The following SOCS6 variants were observed in gnomAD, a reference collection of about 807,000 sequenced individuals.
The protein encoded by SOCS6 is STAT induced STAT inhibitor-4.
A neutral mutation model predicts 27.7 loss-of-function variants in SOCS6; 5 were observed. That is an observed-to-expected ratio of 0.18 (90% CI 0.09 to 0.38). The LOEUF (loss-of-function observed/expected upper bound fraction) is 0.38. Ranked by LOEUF, SOCS6 falls within the 10% of genes least tolerant of loss-of-function variation. The pLI, the probability that SOCS6 is intolerant of heterozygous loss-of-function variation, is 1.00. For missense variants in SOCS6, 595 were observed against 688.1 expected, an observed-to-expected ratio of 0.86 and a Z score of 1.51; for synonymous variants, 271 against 260.0, an observed-to-expected ratio of 1.04 and a Z score of -0.41.
At chr18:70,291,120 A>G (rs558965361) in intron 1 of SOCS6, among the ~76,000 whole-genome samples, 42 of 152,290 alleles carry the variant, frequency 2.8e-4, no homozygotes, top group African/African-American at 9.6e-4. Context: ...GAAAGCAAGT[A>G]TCTTCTTTTT....
At chr18:70,323,593 C>CT (rs1911067307) in intron 1 of SOCS6, among the ~76,000 whole-genome samples, 1 of 152,170 alleles carries the variant, frequency 6.6e-6, no homozygotes, top group Non-Finnish European at 1.5e-5. Context: ...AGAGATGAAG[C>CT]TTTTCAACCT....
chr18:70,312,102 C>A lies in SOCS6; in HGVS notation c.-126-12441C>A, dbSNP rs1016069581. 3.3e-5 allele frequency among the ~76,000 whole-genome samples: 5 copies of A among 152,152 alleles called. No individual in the cohort carries two copies. In the East Asian group the frequency reaches 9.6e-4, roughly 29 times the overall value. On this transcript the variant is annotated intron_variant, in intron 1 of 1. Coordinates refer to ENST00000397942, the MANE Select transcript of SOCS6 (RefSeq NM_004232.4). ...ATCACATATATTAATGCATTTAAAC[C>A]TCACAACTAGCCTGAGTGATGGGTG...
At chr18:70,296,374 C>T (rs1330928629) in intron 1 of SOCS6, among the ~76,000 whole-genome samples, 3 of 152,190 alleles carry the variant, frequency 2.0e-5, no homozygotes, top group Admixed American at 6.5e-5. Context: ...ACAAAGTCTG[C>T]TGTGGACGCC....
intron 1 of SOCS6, among the ~76,000 whole-genome samples, chr18:70,295,641 TCA>T (rs975726013): frequency 2.0e-4 from 30 of 152,338 alleles, no homozygotes; most frequent in Admixed American, 1.8e-3. Flanking sequence ...TTGCCAAATA[TCA>T]CAGACTGGCA....
At chr18:70,297,458 A>G (rs746607432) in intron 1 of SOCS6, among the ~76,000 whole-genome samples, 1 of 152,142 alleles carries the variant, frequency 6.6e-6, no homozygotes, top group Non-Finnish European at 1.5e-5. Context: ...AAATAAAAGT[A>G]GTGTTTTCAG....
In SOCS6 at chr18:70,326,529, A is replaced by G. The variant is rs892845246; in HGVS notation, c.*253A>G. The stretch of plus-strand genomic sequence containing the variant: ...TGTTTCATCAATGTGCAGAATAATC[A>G]CAATGTGAATTATCAAATTCTCCTC... On this transcript the variant is annotated 3_prime_UTR_variant, in exon 2 of 2. Coordinates refer to ENST00000397942, the MANE Select transcript of SOCS6 (RefSeq NM_004232.4). 2.2e-6 allele frequency: 1 copy of G among 456,852 alleles called. No homozygotes were observed. The highest frequency in any genetic ancestry group is 4.0e-6 in the Non-Finnish European group (1 of 249,730). The allele number at this position is 456,852 out of a possible 1,614,324, so 28.3% of individuals were successfully genotyped here.
chr18:70,309,804 C>T (rs141795937), intron 1 of SOCS6, among the ~76,000 whole-genome samples: 1 of 152,188 alleles, frequency 6.6e-6, no homozygotes, highest in Non-Finnish European at 1.5e-5. Context: ...CTACCTTGGC[C>T]TCCCGATTAG....
chr18:70,303,455 G>A (rs781305134), intron 1 of SOCS6, among the ~76,000 whole-genome samples: 7 of 151,872 alleles, frequency 4.6e-5, no homozygotes, highest in Non-Finnish European at 7.4e-5. Context: ...AAGGAGTATC[G>A]TTACTTTTCA....
Position 70,326,038 on chromosome 18 carries a change from T to G in SOCS6, c.1370T>G (p.Leu457Arg), listed in dbSNP as rs1911196414. The G allele has an allele frequency of 6.2e-7, 1 of 1,614,134 alleles. No individual in the cohort carries two copies. Among genetic ancestry groups the G allele is most frequent in the Non-Finnish European group, 8.5e-7 (1 of 1,180,046 alleles). Residue 457 changes from leucine to arginine, a missense_variant, in exon 2 of 2, where the codon CTA (leucine) becomes CGA (arginine). By Grantham distance (102) the Leu-to-Arg change is moderately radical. This residue lies in a region of SOCS6 where 128 missense variants were observed against 207.0 expected (regional missense o/e 0.62). Transcript: ENST00000397942. ...DVEGHTSIVD[L>R]IEHSIRDSEN... is the part of the protein sequence containing the mutation. Reference sequence around the variant, plus strand: ...GAAGGACATACGTCCATAGTTGATCTAATTGAGCATTCAATCAGGGACTCT... The same window carrying G: ...GAAGGACATACGTCCATAGTTGATCGAATTGAGCATTCAATCAGGGACTCT...
chr18:70,289,670 G>C (rs1158898849), intron 1 of SOCS6, among the ~76,000 whole-genome samples: 3 of 150,420 alleles, frequency 2.0e-5, no homozygotes, highest in Non-Finnish European at 4.4e-5. Flanking sequence ...GCTGGGACTC[G>C]GGGACGCCCC....
chr18:70,291,955 C>A (rs2062301492), intron 1 of SOCS6, among the ~76,000 whole-genome samples: 1 of 152,140 alleles, frequency 6.6e-6, no homozygotes, highest in African/African-American at 2.4e-5. Flanking sequence ...GTGAAATTGT[C>A]ATTAATGTTT....
intron 1 of SOCS6, among the ~76,000 whole-genome samples, chr18:70,311,650 G>T (rs566868393): frequency 8.4e-4 from 128 of 152,246 alleles, no homozygotes; most frequent in South Asian, 2.7e-3. Context: ...TGTAATCGCT[G>T]TTACTTGTAT....
intron 1 of SOCS6, among the ~76,000 whole-genome samples, chr18:70,306,637 G>T (rs978716283): frequency 9.2e-5 from 14 of 151,982 alleles, no homozygotes; most frequent in African/African-American, 3.1e-4. Flanking sequence ...GGGGGTGAGC[G>T]CAAATGTCCT....
intron 1 of SOCS6, among the ~76,000 whole-genome samples, chr18:70,298,802 A>G (rs1004651713): frequency 6.6e-6 from 1 of 152,200 alleles, no homozygotes; most frequent in Non-Finnish European, 1.5e-5. Context: ...TGTGTTTCCA[A>G]CACCAACAAC....
rs2146303532 is a variant in SOCS6, at chr18:70,327,185, C to G, written c.*909C>G. The G allele has an allele frequency of 6.0e-6, 1 of 166,976 alleles. No individual in the cohort carries two copies. The highest frequency in any genetic ancestry group is 2.4e-5 in the African/African-American group (1 of 41,528). The allele number at this position is 166,976 out of a possible 1,614,324, so 10.3% of individuals were successfully genotyped here. On this transcript the variant is annotated 3_prime_UTR_variant, in exon 2 of 2. Transcript: ENST00000397942. ...TGGTAAAATGTTTTATCTGTGATTT[C>G]TTTAGCTTAGTCAACATTTTCTTGG...
chr18:70,321,135 G>C (rs1430998702), intron 1 of SOCS6, among the ~76,000 whole-genome samples: 1 of 151,594 alleles, frequency 6.6e-6, no homozygotes, highest in Non-Finnish European at 1.5e-5. Flanking sequence ...TTAGCCAGGC[G>C]TGGTGGTGCG....
intron 1 of SOCS6, among the ~76,000 whole-genome samples, chr18:70,291,385 C>T (rs749343514): frequency 9.2e-5 from 14 of 152,294 alleles, no homozygotes; most frequent in Middle Eastern, 6.8e-3. Flanking sequence ...CAGGCACGAA[C>T]CACCACACCC....
rs765150837 is a variant in SOCS6, at chr18:70,321,486, A to ATTT, written c.-126-3040_-126-3038dup. Among the ~76,000 whole-genome samples, 55 of 112,628 alleles carry ATTT rather than the reference A, an allele frequency of 4.9e-4. 1 individual carries two copies. Among genetic ancestry groups the ATTT allele is most frequent in the African/African-American group, 2.0e-3 (55 of 28,104 alleles). The allele number at this position is 112,628 out of a possible 152,430, so 73.9% of individuals were successfully genotyped here. A position where few individuals can be genotyped will look rare whatever the true frequency, so the allele number is the denominator to read the frequency against. ...CAGGCACACGCCACCATGCCTGGCT[A>ATTT]TTTTTTTTTTTTTTTTTTTGTATTT... On this transcript the variant is annotated intron_variant, in intron 1 of 1. Coordinates refer to ENST00000397942, the MANE Select transcript of SOCS6 (RefSeq NM_004232.4).
Position 70,327,630 on chromosome 18 carries a change from A to C in SOCS6, c.*1354A>C, listed in dbSNP as rs899380284. ...TTGGGGAGAGATGTTATATTCAATA[A>C]TTTTTAGTTATTTTGTAATGCAGAG... is the stretch of plus-strand genomic sequence containing the variant. On this transcript the variant is annotated 3_prime_UTR_variant, in exon 2 of 2. Coordinates refer to ENST00000397942, the MANE Select transcript of SOCS6 (RefSeq NM_004232.4). The C allele has an allele frequency of 4.2e-5, 7 of 166,936 alleles. No homozygotes were observed. Among genetic ancestry groups the C allele is most frequent in the Non-Finnish European group, 5.9e-5 (4 of 68,074 alleles). The allele number at this position is 166,936 out of a possible 1,614,324, so 10.3% of individuals were successfully genotyped here. A position where few individuals can be genotyped will look rare whatever the true frequency, so the allele number is the denominator to read the frequency against.
Sources: gnomAD v4.1 joint callset for allele counts (sites outside exome capture counted in the v4.1 genomes callset) on GRCh38, gnomAD v4.1.1 for gene constraint, gnomAD v4.1.1 regional missense constraint, MANE v1.5 for transcripts, NCBI Gene and HGNC (gene_info 2026-07-23, HGNC 2026-07-21) for gene names.